The following TXNDC11 variants were observed in gnomAD, a reference collection of about 807,000 sequenced individuals.
The protein encoded by TXNDC11 is thioredoxin domain containing 11.
A neutral mutation model predicts 78.0 loss-of-function variants in TXNDC11; 68 were observed. That is an observed-to-expected ratio of 0.87 (90% CI 0.72 to 1.07). The LOEUF (loss-of-function observed/expected upper bound fraction) is 1.07, where lower values mean the gene tolerates loss of function less well. Ranked by LOEUF, TXNDC11 falls within the 50% of genes least tolerant of loss-of-function variation. The pLI, the probability that TXNDC11 is intolerant of heterozygous loss-of-function variation, is 0.00. For synonymous variants in TXNDC11, 571 were observed against 495.2 expected (o/e 1.15, Z -2.03); for missense variants, 1,389 against 1,221.8 (o/e 1.14, Z -2.04).
chr16:11,708,259 C>G (rs989330846), intron 5 of TXNDC11, among the ~76,000 whole-genome samples: 2 of 152,180 alleles, frequency 1.3e-5, no homozygotes, highest in African/African-American at 4.8e-5. Flanking sequence ...TGGCACTTAT[C>G]TGGTAAGATC....
At position 11,679,368 on chromosome 16, in the gene TXNDC11, C is replaced by G. The variant is rs749134293; in HGVS notation, c.2704G>C (p.Glu902Gln). Residue 902 changes from glutamate to glutamine, a missense_variant, in exon 12 of 12, where the codon GAG (glutamate) becomes CAG (glutamine). Physicochemically the swap from Glu to Gln is conservative, Grantham distance 29. Coordinates refer to ENST00000283033, the MANE Select transcript of TXNDC11 (RefSeq NM_015914.7). This position sits in a 1 kb window ranked among gnomAD's most constrained non-coding sequence, Gnocchi z 4.6. ...TWLKILVATM[E>Q]RKLEGRDGAE... is the part of the protein sequence containing the mutation. Reference sequence around the variant, plus strand: ...CCATCCCTGCCCTCCAGTTTCCTCTCCATGGTCGCCACCAGGATCTTGAGC... The same window carrying G: ...CCATCCCTGCCCTCCAGTTTCCTCTGCATGGTCGCCACCAGGATCTTGAGC... 7 of 1,611,264 alleles carry G rather than the reference C, an allele frequency of 4.3e-6. No individual in the cohort carries two copies. The highest frequency in any genetic ancestry group is 1.7e-5 in the Admixed American group (1 of 59,514).
chr16:11,742,465 G>C lies in TXNDC11; in HGVS notation c.254+12C>G. 7.1e-7 allele frequency: 1 copy of C among 1,414,560 alleles called. No homozygotes were observed. The highest frequency in any genetic ancestry group is 9.2e-7 in the Non-Finnish European group (1 of 1,091,964). 87.6% of individuals were successfully genotyped at this position (1,414,560 alleles called of 1,614,324 possible). A position where few individuals can be genotyped will look rare whatever the true frequency, so the allele number is the denominator to read the frequency against. On this transcript the variant is annotated intron_variant, in intron 1 of 11. Coordinates refer to ENST00000283033, the MANE Select transcript of TXNDC11 (RefSeq NM_015914.7). ...GCGCCCTAGCGGGGCCCCAGGGTCC[G>C]GGCCGCCTCACCTGCAGGTGAACTT...
rs2141945672 is a variant in TXNDC11 at position 11,679,117 on chromosome 16, T to C, written c.*78A>G. The C allele has an allele frequency of 1.4e-6, 2 of 1,440,072 alleles. No homozygotes were observed. The highest frequency in any genetic ancestry group is 4.5e-5 in the Admixed American group (2 of 44,266). 89.2% of individuals were successfully genotyped at this position (1,440,072 alleles called of 1,614,324 possible). On this transcript the variant is annotated 3_prime_UTR_variant, in exon 12 of 12. Transcript: ENST00000283033. This position sits in a 1 kb window ranked among gnomAD's most constrained non-coding sequence, Gnocchi z 4.6. ...CCACTGAGAAAATCTTTATTTACAATAAATTTCAATAAAATTTGCATAAAT... is the reference window on the plus strand; with the variant it reads ...CCACTGAGAAAATCTTTATTTACAACAAATTTCAATAAAATTTGCATAAAT...
chr16:11,716,506 C>CT (rs1302385987), intron 5 of TXNDC11, among the ~76,000 whole-genome samples: 1 of 152,110 alleles, frequency 6.6e-6, no homozygotes, highest in East Asian at 1.9e-4. Context: ...AGCTGATTTC[C>CT]TCCAGGCTTT....
intron 7 of TXNDC11, among the ~76,000 whole-genome samples, chr16:11,695,467 A>G (rs548997490): frequency 1.0e-4 from 15 of 144,028 alleles, no homozygotes; most frequent in Non-Finnish European, 1.5e-4. Flanking sequence ...ATGAAAAAGT[A>G]AAGCCACCTA....
chr16:11,692,838 C>A lies in TXNDC11; in HGVS notation c.1108-756G>T, dbSNP rs575757962. Among the ~76,000 whole-genome samples the A allele has an allele frequency of 7.0e-4, 106 of 152,288 alleles. 1 individual carries two copies. The highest frequency in any genetic ancestry group is 2.1e-3 in the African/African-American group (89 of 41,554). ...TGGCCCGTTTGGCTTTCCAGTCTCA[C>A]CCTACCCTCTTCAGAACAGACCAGG... On this transcript the variant is annotated intron_variant, in intron 7 of 11. Transcript: ENST00000283033.
chr16:11,706,741 T>C (rs1156773772), intron 5 of TXNDC11, among the ~76,000 whole-genome samples: 1 of 152,204 alleles, frequency 6.6e-6, no homozygotes, highest in Non-Finnish European at 1.5e-5. Flanking sequence ...CAAGGGTTCC[T>C]GAAAGACCTG....
intron 7 of TXNDC11, among the ~76,000 whole-genome samples, chr16:11,697,756 A>C (rs912959516): frequency 6.6e-6 from 1 of 152,162 alleles, no homozygotes; most frequent in Non-Finnish European, 1.5e-5. Context: ...AGGCCACACT[A>C]AACTCGGCCT....
chr16:11,716,432 A>G (rs1251493968), intron 5 of TXNDC11, among the ~76,000 whole-genome samples: 2 of 152,240 alleles, frequency 1.3e-5, no homozygotes, highest in South Asian at 2.1e-4. Context: ...CTCTGCCAAG[A>G]TCAAATGTAA....
chr16:11,715,899 G>A (rs567195880), intron 5 of TXNDC11, among the ~76,000 whole-genome samples: 1 of 152,288 alleles, frequency 6.6e-6, no homozygotes, highest in Non-Finnish European at 1.5e-5. Flanking sequence ...CTTATCTGAG[G>A]TGCTTTCAAC....
chr16:11,694,254 C>A (rs1233267149), intron 7 of TXNDC11, among the ~76,000 whole-genome samples: 1 of 151,936 alleles, frequency 6.6e-6, no homozygotes, highest in Non-Finnish European at 1.5e-5. Flanking sequence ...GGATTACAGG[C>A]ATGCATCACG....
At chr16:11,702,499 C>A (rs1034604985) in intron 5 of TXNDC11, among the ~76,000 whole-genome samples, 2 of 152,054 alleles carry the variant, frequency 1.3e-5, no homozygotes, top group African/African-American at 4.8e-5. Context: ...GAAACCCTGT[C>A]TCTACTAAAA....
At chr16:11,728,520 C>T (rs1438565205) in intron 4 of TXNDC11, among the ~76,000 whole-genome samples, 1 of 152,216 alleles carries the variant, frequency 6.6e-6, no homozygotes, top group Admixed American at 6.5e-5. Flanking sequence ...AGTTTAATCA[C>T]TGTTGTACAT....
intron 2 of TXNDC11, among the ~76,000 whole-genome samples, chr16:11,734,958 G>A (rs1597497995): frequency 6.6e-6 from 1 of 152,316 alleles, no homozygotes; most frequent in East Asian, 1.9e-4. Context: ...AACCTGCTTT[G>A]CACACGGAAG....
intron 10 of TXNDC11, 83 bp downstream of exon 10, chr16:11,687,774 C>T (rs1435876809): frequency 2.2e-6 from 2 of 927,110 alleles, no homozygotes; most frequent in Non-Finnish European, 3.4e-6. Flanking sequence ...AATGGGCAGA[C>T]CCTCACACAC....
At chr16:11,694,026 A>G (rs1024561583) in intron 7 of TXNDC11, among the ~76,000 whole-genome samples, 1 of 151,008 alleles carries the variant, frequency 6.6e-6, no homozygotes, top group Non-Finnish European at 1.5e-5. Flanking sequence ...TTTTAGCTTC[A>G]GTATCTCATA....
chr16:11,708,951 T>G (rs1054560874), intron 5 of TXNDC11, among the ~76,000 whole-genome samples: 1 of 152,244 alleles, frequency 6.6e-6, no homozygotes, highest in African/African-American at 2.4e-5. Context: ...TACATAGTGA[T>G]TCACTTTTCA....
chr16:11,714,206 A>G (rs2051454619), intron 5 of TXNDC11, among the ~76,000 whole-genome samples: 2 of 152,090 alleles, frequency 1.3e-5, no homozygotes, highest in South Asian at 2.1e-4. Flanking sequence ...TATTTTTTGT[A>G]GAGACGGGGT....
intron 5 of TXNDC11, among the ~76,000 whole-genome samples, chr16:11,702,017 T>G (rs2051040725): frequency 6.7e-6 from 1 of 149,928 alleles, no homozygotes; most frequent in Non-Finnish European, 1.5e-5. Context: ...ACTTTTGATG[T>G]TAACAAAAAA....
Sources: gnomAD v4.1 joint callset for allele counts (sites outside exome capture counted in the v4.1 genomes callset) on GRCh38, gnomAD v4.1.1 for gene constraint, Gnocchi (gnomAD v3.1) non-coding constraint, MANE v1.5 for transcripts, NCBI Gene and HGNC (gene_info 2026-07-23, HGNC 2026-07-21) for gene names.